The following PRH1 variants were observed in gnomAD, a reference collection of about 807,000 sequenced individuals.
PRH1 encodes the protein salivary acidic proline-rich phosphoprotein 1/2.
Under a neutral mutation model 7.9 loss-of-function variants are expected in PRH1, and 7 were observed. The observed-to-expected ratio is 0.89, with a 90% CI of 0.50 to 1.67. PRH1 has a LOEUF of 1.67. Among genes scored for constraint, PRH1 ranks in the 40% most tolerant of loss-of-function variants. The pLI, the probability that PRH1 is intolerant of heterozygous loss-of-function variation, is 0.00. For synonymous variants in PRH1, 45 were observed against 80.8 expected (o/e 0.56, Z 2.38); for missense variants, 109 against 223.6 (o/e 0.49, Z 3.27).
At chr12:11,131,973 C>T (rs550372893) in intron 1 of PRH1, among the ~76,000 whole-genome samples, 2 of 152,292 alleles carry the variant, frequency 1.3e-5, no homozygotes, top group Non-Finnish European at 2.9e-5. Context: ...GCCTGACAGA[C>T]ACGATCTCTT....
intron 2 of PRH1, among the ~76,000 whole-genome samples, chr12:10,893,589 C>T (rs1162455380): frequency 1.3e-5 from 2 of 152,202 alleles, no homozygotes; most frequent in African/African-American, 2.4e-5. Context: ...GGATTTCATC[C>T]TTTGCACATG....
At chr12:10,956,337 T>A (rs772713061) in intron 2 of PRH1, among the ~76,000 whole-genome samples, 4 of 152,152 alleles carry the variant, frequency 2.6e-5, no homozygotes, top group Non-Finnish European at 4.4e-5. Flanking sequence ...ACTATCTCAA[T>A]AGATGCAGAA....
At chr12:11,047,815 G>A (rs1168415444), upstream of PRH1, among the ~76,000 whole-genome samples, 1 of 132,164 alleles carries the variant, frequency 7.6e-6, no homozygotes, top group African/African-American at 2.5e-5. Context: ...TATAAAATAA[G>A]AATTCATAAT....
chr12:10,897,983 G>T (rs1013062161), intron 2 of PRH1, among the ~76,000 whole-genome samples: 3 of 152,156 alleles, frequency 2.0e-5, no homozygotes, highest in African/African-American at 7.2e-5. Flanking sequence ...CATCAGAATA[G>T]AATTATTTAG....
intron 1 of PRH1, among the ~76,000 whole-genome samples, chr12:11,099,335 C>T (rs1014901703): frequency 1.3e-5 from 2 of 151,880 alleles, no homozygotes; most frequent in Non-Finnish European, 2.9e-5. Flanking sequence ...CAGATTGCCC[C>T]CACCTGATCC....
At chr12:11,153,571 GAGA>G (rs1320557135) in intron 1 of PRH1, among the ~76,000 whole-genome samples, 2 of 152,162 alleles carry the variant, frequency 1.3e-5, no homozygotes, top group African/African-American at 4.8e-5. Context: ...TCCCCTCGCT[GAGA>G]AGGTTAGTCT....
At chr12:11,147,436 C>T (rs1464617340) in intron 1 of PRH1, among the ~76,000 whole-genome samples, 1 of 152,204 alleles carries the variant, frequency 6.6e-6, no homozygotes, top group Non-Finnish European at 1.5e-5. Context: ...AATCCACCTG[C>T]CTGGGCCTCC....
At chr12:11,026,671 A>T (rs1031813334) in intron 1 of PRH1, among the ~76,000 whole-genome samples, 4 of 152,166 alleles carry the variant, frequency 2.6e-5, no homozygotes, top group African/African-American at 9.7e-5. Flanking sequence ...CACTAAACCT[A>T]TCTGGCCTCT....
chr12:11,161,533 G>A (rs1472478497), intron 1 of PRH1, among the ~76,000 whole-genome samples: 1 of 152,174 alleles, frequency 6.6e-6, no homozygotes, highest in East Asian at 1.9e-4. Context: ...GTTGATGAAA[G>A]TCAAAACGGT....
At chr12:10,964,842 G>A in intron 2 of PRH1, 1 of 548,352 alleles carries the variant, frequency 1.8e-6, no homozygotes, top group Non-Finnish European at 3.4e-6. Context: ...AGGTGCGTCG[G>A]ATCACTCAAT....
rs566360547 is a variant in PRH1, at chr12:11,030,500, A to G, written c.-126+16520T>C. On this transcript the variant is annotated intron_variant, in intron 1 of 3. Coordinates refer to the PRH1 transcript ENST00000539853. ...CTTTAGCTTCTTGTTTCCCCAAATC[A>G]GGATGAATGGGTGGATTGAAGGATA... 4.5e-5 allele frequency: 72 copies of G among 1,614,276 alleles called. No individual in the cohort carries two copies. The South Asian group carries it at 7.6e-4, about 17-fold the overall frequency.
intron 1 of PRH1, among the ~76,000 whole-genome samples, chr12:11,021,087 TTACTC>T (rs67241925): frequency 0.22 from 33,509 of 150,108 alleles, 3,470 homozygotes; most frequent in East Asian, 0.55. Context: ...TATACAAAAT[TTACTC>T]TACATATGTT....
intron 1 of PRH1, among the ~76,000 whole-genome samples, chr12:11,162,394 G>A (rs1947442837): frequency 6.6e-6 from 1 of 152,174 alleles, no homozygotes; most frequent in Non-Finnish European, 1.5e-5. Flanking sequence ...ATACTTTGAA[G>A]TGAAGATATA....
chr12:11,160,989 A>G (rs936859816), intron 1 of PRH1, among the ~76,000 whole-genome samples: 5 of 152,122 alleles, frequency 3.3e-5, no homozygotes, highest in African/African-American at 1.2e-4. Context: ...TTCTAAGCAT[A>G]TAGACTATAT....
At chr12:10,937,454 T>C (rs1049348988) in intron 2 of PRH1, 28 of 152,058 alleles carry the variant, frequency 1.8e-4, no homozygotes, top group African/African-American at 6.3e-4. Context: ...CACAGGAAGA[T>C]AGGAAACAAA....
At chr12:11,058,030 G>A (rs1943436442) in intron 1 of PRH1, among the ~76,000 whole-genome samples, 1 of 152,052 alleles carries the variant, frequency 6.6e-6, no homozygotes, top group Non-Finnish European at 1.5e-5. Flanking sequence ...GGGCCCAGGA[G>A]TTTGAAACCA....
At chr12:11,142,998 A>G (rs867514428) in intron 1 of PRH1, among the ~76,000 whole-genome samples, 1 of 152,222 alleles carries the variant, frequency 6.6e-6, no homozygotes, top group Non-Finnish European at 1.5e-5. Flanking sequence ...ATATGTAATC[A>G]CCTAAAGCTA....
rs542701392 is a variant in PRH1 at position 10,933,736 on chromosome 12, A to G, written c.-59+39919T>C. 6.6e-4 allele frequency among the ~76,000 whole-genome samples: 101 copies of G among 152,288 alleles called. No homozygotes were observed. The East Asian group carries it at 0.014, about 21-fold the overall frequency. Reference sequence around the variant, plus strand: ...TGATTAAAATGGTGTACCTCAAAGTAGCTGCTAACCTTATGTGTATCTGCA... The same window carrying G: ...TGATTAAAATGGTGTACCTCAAAGTGGCTGCTAACCTTATGTGTATCTGCA... On this transcript the variant is annotated intron_variant, in intron 2 of 3. Transcript: ENST00000539853.
At chr12:10,954,311 A>G (rs1937842474) in intron 2 of PRH1, among the ~76,000 whole-genome samples, 2 of 152,218 alleles carry the variant, frequency 1.3e-5, no homozygotes, top group African/African-American at 2.4e-5. Flanking sequence ...AAAGGCACAT[A>G]GAGGCAATTT....
Sources: gnomAD v4.1 joint callset for allele counts (sites outside exome capture counted in the v4.1 genomes callset) on GRCh38, gnomAD v4.1.1 for gene constraint, MANE v1.5 for transcripts, NCBI Gene and HGNC (gene_info 2026-07-23, HGNC 2026-07-21) for gene names.